NEK1: variants seen among roughly 807,000 people sequenced by gnomAD.
The protein encoded by NEK1 is serine/threonine-protein kinase Nek1.
NEK1 carries 137 observed loss-of-function variants against 182.1 expected under a neutral mutation model. That is an observed-to-expected ratio of 0.75 (90% CI 0.65 to 0.87). The LOEUF (loss-of-function observed/expected upper bound fraction) is 0.87, where lower values mean the gene tolerates loss of function less well. NEK1 is among the 40% of genes least tolerant of loss of function. The probability of loss-of-function intolerance (pLI) is 0.00; values close to 1 mark genes in which losing one functional copy is unlikely to be tolerated. For missense variants in NEK1, 1,391 were observed against 1,494.4 expected, an observed-to-expected ratio of 0.93 and a Z score of 1.14; for synonymous variants, 513 against 492.2, an observed-to-expected ratio of 1.04 and a Z score of -0.56.
In NEK1 at chr4:169,577,205, A is replaced by G. The variant is rs1329286144; in HGVS notation, c.869-126T>C. The G allele has an allele frequency of 7.7e-6, 7 of 912,230 alleles. No homozygotes were observed. In the African/African-American group the frequency reaches 8.4e-5, roughly 11 times the overall value. 56.5% of individuals were successfully genotyped at this position (912,230 alleles called of 1,614,324 possible). ...GATAGTATTTTAAACTTTCTATCAA[A>G]TATCTTAATTCATCCCTTAGTATTT... On this transcript the variant is annotated intron_variant, in intron 11 of 35. Coordinates refer to ENST00000507142, the MANE Select transcript of NEK1 (RefSeq NM_001199397.3).
At chr4:169,435,403 C>A (rs1738220915) in intron 28 of NEK1, among the ~76,000 whole-genome samples, 1 of 152,128 alleles carries the variant, frequency 6.6e-6, no homozygotes, top group African/African-American at 2.4e-5. Context: ...GGGAGGGGAA[C>A]AAACTTTCGT....
chr4:169,588,729 T>G lies in NEK1; in HGVS notation c.471A>C (p.Val157=). The G allele has an allele frequency of 6.5e-7, 1 of 1,541,454 alleles. No individual in the cohort carries two copies. The highest frequency in any genetic ancestry group is 8.8e-7 in the Non-Finnish European group (1 of 1,137,670). The change falls in exon 8 of 36, where the codon GTA becomes GTC. Residue 157 remains valine (V), a synonymous_variant. Transcript: ENST00000507142. ...FGIARVLNST[V]ELARTCIGTP... is the part of the protein sequence containing the mutation. ...TCCCTATGCAAGTTCGAGCCAGCTC[T>G]ACAGTACTAGAAGAAAAATAAAATT...
At chr4:169,439,288 T>G (rs1422628363) in intron 27 of NEK1, among the ~76,000 whole-genome samples, 3 of 152,246 alleles carry the variant, frequency 2.0e-5, no homozygotes, top group African/African-American at 7.2e-5. Context: ...GTAGGCCCTT[T>G]GTGTTGGCTG....
chr4:169,508,885 A>G, intron 19 of NEK1, 33 bp from the exon 20 acceptor site: 2 of 1,499,362 alleles, frequency 1.3e-6, no homozygotes, highest in Non-Finnish European at 1.8e-6. Context: ...AGTTTAAAGA[A>G]TGACTAAGGC....
Position 169,561,898 on chromosome 4 carries a change from TAAAA to T in NEK1, c.1081-11_1081-8del. The T allele has an allele frequency of 6.3e-7, 1 of 1,589,370 alleles. No homozygotes were observed. The stretch of plus-strand genomic sequence containing the variant: ...TTCTCTTTCTTGCTGCTTCCTTAAA[TAAAA>T]AAAAGAACATTTTAATCCATAATAA... On this transcript the variant is annotated splice_polypyrimidine_tract_variant and splice_region_variant and intron_variant, in intron 13 of 35. Coordinates refer to ENST00000507142, the MANE Select transcript of NEK1 (RefSeq NM_001199397.3).
At chr4:169,539,700 G>C (rs1022144507) in intron 18 of NEK1, among the ~76,000 whole-genome samples, 4 of 152,152 alleles carry the variant, frequency 2.6e-5, no homozygotes, top group Non-Finnish European at 4.4e-5. Flanking sequence ...CTTCAGGTAT[G>C]ATGCTCAGAC....
Position 169,401,695 on chromosome 4 carries a change from G to T in NEK1, c.3540C>A (p.Asp1180Glu), listed in dbSNP as rs1222658893. Residue 1180 changes from aspartate (D) to glutamate (E), a missense_variant, in exon 33 of 36, where the codon GAC becomes GAA. Around this residue, in one of 5 missense-constraint regions of NEK1, gnomAD observed 1,216 missense variants for 1,277.6 expected, o/e 0.95. Transcript: ENST00000507142. ...TCAGGGCACTTTCACTGCTGGGATT[G>T]TCATCTTCATCTGCCACATCTGTCC... ...ANGTDVADEDDNPSSESALNE... is the reference protein window; with the variant it reads ...ANGTDVADEDENPSSESALNE... 1.2e-6 allele frequency: 2 copies of T among 1,613,894 alleles called. No homozygotes were observed. Among genetic ancestry groups the T allele is most frequent in the Admixed American group, 3.3e-5 (2 of 60,016 alleles).
chr4:169,477,621 T>A, intron 24 of NEK1, 124 bp from the exon 25 acceptor site: 1 of 665,362 alleles, frequency 1.5e-6, no homozygotes, highest in Non-Finnish European at 2.5e-6. Flanking sequence ...TTTTTATTCC[T>A]ATAAAATGTT....
intron 29 of NEK1, among the ~76,000 whole-genome samples, chr4:169,429,271 A>C (rs548567170): frequency 5.3e-5 from 8 of 152,100 alleles, no homozygotes; most frequent in Non-Finnish European, 1.2e-4. Flanking sequence ...GCTTATTTAG[A>C]CTGTTGCAAA....
chr4:169,396,453 C>G (rs1013323656), intron 35 of NEK1, among the ~76,000 whole-genome samples: 19 of 149,116 alleles, frequency 1.3e-4, no homozygotes, highest in Non-Finnish European at 2.2e-4. Context: ...AACATGGTAG[C>G]CTCTGCCAGG....
At chr4:169,438,350 A>C in intron 27 of NEK1, 91 bp from the exon 28 acceptor site, 1 of 946,818 alleles carries the variant, frequency 1.1e-6, no homozygotes, top group Non-Finnish European at 1.5e-6. Flanking sequence ...AAAAAGCTGC[A>C]TTACTGCAAC....
At chr4:169,510,879 AC>A (rs1754058244) in intron 19 of NEK1, among the ~76,000 whole-genome samples, 1 of 151,862 alleles carries the variant, frequency 6.6e-6, no homozygotes, top group Non-Finnish European at 1.5e-5. Context: ...CAAGTATCTC[AC>A]CCCAGAAGCC....
chr4:169,573,270 A>G (rs530889712), intron 12 of NEK1, among the ~76,000 whole-genome samples: 1 of 152,344 alleles, frequency 6.6e-6, no homozygotes, highest in East Asian at 1.9e-4. Context: ...AATTGCTTCT[A>G]TTTTCTCAGT....
chr4:169,595,559 C>G (rs1329410902), intron 5 of NEK1, among the ~76,000 whole-genome samples: 1 of 152,062 alleles, frequency 6.6e-6, no homozygotes, highest in African/African-American at 2.4e-5. Context: ...GCAACCAAGG[C>G]CATACCTGGA....
intron 16 of NEK1, among the ~76,000 whole-genome samples, chr4:169,559,716 T>C (rs898052589): frequency 6.6e-6 from 1 of 152,194 alleles, no homozygotes; most frequent in African/African-American, 2.4e-5. Flanking sequence ...AGTTTGAAGA[T>C]GTATTGACTT....
intron 23 of NEK1, among the ~76,000 whole-genome samples, chr4:169,494,708 C>T (rs971784745): frequency 1.3e-5 from 2 of 152,154 alleles, no homozygotes; most frequent in African/African-American, 4.8e-5. Context: ...CTTTACAGTC[C>T]CACCAACACT....
chr4:169,583,838 TTATTTGGCTTTCTTGCATAC>T (rs1161537166), intron 10 of NEK1, among the ~76,000 whole-genome samples: 1 of 152,230 alleles, frequency 6.6e-6, no homozygotes, highest in Non-Finnish European at 1.5e-5. Flanking sequence ...TCTCCAAATT[TTATTTGGCTTTCTTGCATAC>T]TAATGCATTC....
At chr4:169,468,336 C>G (rs965017313) in intron 26 of NEK1, among the ~76,000 whole-genome samples, 1 of 151,934 alleles carries the variant, frequency 6.6e-6, no homozygotes, top group Non-Finnish European at 1.5e-5. Flanking sequence ...GAACAGAGAA[C>G]GATTAGGCAG....
chr4:169,403,543 C>G (rs1732051755), intron 32 of NEK1, among the ~76,000 whole-genome samples: 1 of 152,052 alleles, frequency 6.6e-6, no homozygotes, highest in South Asian at 2.1e-4. Flanking sequence ...GTACTATAGC[C>G]AGGGTGACAG....
Sources: gnomAD v4.1 joint callset for allele counts (sites outside exome capture counted in the v4.1 genomes callset) on GRCh38, gnomAD v4.1.1 for gene constraint, gnomAD v4.1.1 regional missense constraint, MANE v1.5 for transcripts, NCBI Gene and HGNC (gene_info 2026-07-23, HGNC 2026-07-21) for gene names.